The following TEAD1 variants were observed in gnomAD, a reference collection of about 807,000 sequenced individuals.
TEAD1 encodes the protein TEA domain transcription factor 1.
In TEAD1, 9 loss-of-function variants were observed where a neutral mutation model predicts 54.9. That is an observed-to-expected ratio of 0.16 (90% CI 0.10 to 0.29). TEAD1 has a LOEUF of 0.29. Ranked by LOEUF, TEAD1 falls within the 10% of genes least tolerant of loss-of-function variation. TEAD1 has a pLI of 1.00. For missense variants in TEAD1, 387 were observed against 535.9 expected, an observed-to-expected ratio of 0.72 and a Z score of 2.74; for synonymous variants, 200 against 187.8, an observed-to-expected ratio of 1.07 and a Z score of -0.53.
intron 2 of TEAD1, among the ~76,000 whole-genome samples, chr11:12,752,750 A>C (rs1236800750): frequency 6.6e-6 from 1 of 152,158 alleles, no homozygotes. Context: ...CTGAATTTTT[A>C]ATCTTATTAA....
At chr11:12,910,575 T>C (rs1948598202) in intron 10 of TEAD1, among the ~76,000 whole-genome samples, 1 of 152,202 alleles carries the variant, frequency 6.6e-6, no homozygotes, top group Non-Finnish European at 1.5e-5. Flanking sequence ...AATTTTTAAA[T>C]ATACATTTAA....
At chr11:12,836,541 C>G (rs1261744383) in intron 3 of TEAD1, among the ~76,000 whole-genome samples, 2 of 152,056 alleles carry the variant, frequency 1.3e-5, no homozygotes, top group Admixed American at 1.3e-4. Context: ...CGTTATGTTG[C>G]GAGCATGAGA....
chr11:12,724,249 A>G (rs1425833619), intron 2 of TEAD1, among the ~76,000 whole-genome samples: 1 of 152,116 alleles, frequency 6.6e-6, no homozygotes, highest in East Asian at 1.9e-4. Flanking sequence ...ATGCTGCCCC[A>G]CTATGCGCAT....
At chr11:12,692,248 G>A (rs1036962505) in intron 2 of TEAD1, among the ~76,000 whole-genome samples, 9 of 152,160 alleles carry the variant, frequency 5.9e-5, no homozygotes, top group African/African-American at 2.2e-4. Flanking sequence ...CCCCAGCAAA[G>A]CAGGGCTCAT....
At chr11:12,825,689 ATAAAC>A (rs1174777525) in intron 3 of TEAD1, among the ~76,000 whole-genome samples, 1 of 152,098 alleles carries the variant, frequency 6.6e-6, no homozygotes, top group Non-Finnish European at 1.5e-5. Flanking sequence ...ATGACCTAGA[ATAAAC>A]AAAACAATTC....
intron 9 of TEAD1, among the ~76,000 whole-genome samples, chr11:12,886,943 G>T (rs952997450): frequency 2.0e-4 from 30 of 152,140 alleles, no homozygotes; most frequent in African/African-American, 6.8e-4. Context: ...CCAGAGCTCT[G>T]TCACTGCTGT....
intron 1 of TEAD1, among the ~76,000 whole-genome samples, chr11:12,675,109 C>A (rs1041136373): frequency 6.8e-6 from 1 of 147,278 alleles, no homozygotes. Context: ...CCCGGCCGGC[C>A]GCGCCGCGCC....
At chr11:12,745,341 A>C (rs1944725659) in intron 2 of TEAD1, among the ~76,000 whole-genome samples, 1 of 152,166 alleles carries the variant, frequency 6.6e-6, no homozygotes, top group Admixed American at 6.5e-5. Context: ...CTCTTCTGGA[A>C]ACTAGACTTT....
intron 10 of TEAD1, among the ~76,000 whole-genome samples, chr11:12,908,875 A>G (rs1189005194): frequency 4.3e-5 from 4 of 92,922 alleles, no homozygotes; most frequent in Admixed American, 9.5e-5. Context: ...GTATACTTCA[A>G]ATTATCTGTT....
chr11:12,876,263 C>T (rs1373632702), intron 5 of TEAD1, among the ~76,000 whole-genome samples: 5 of 152,058 alleles, frequency 3.3e-5, no homozygotes, highest in East Asian at 1.9e-4. Context: ...GACTGATTTC[C>T]GTTTCAAAAA....
chr11:12,744,719 T>C (rs1282534865), intron 2 of TEAD1, among the ~76,000 whole-genome samples: 5 of 152,204 alleles, frequency 3.3e-5, no homozygotes, highest in African/African-American at 1.2e-4. Flanking sequence ...TTAAAAATTA[T>C]TGTATAATTA....
At chr11:12,819,965 G>A (rs1017841102) in intron 3 of TEAD1, among the ~76,000 whole-genome samples, 7 of 150,134 alleles carry the variant, frequency 4.7e-5, no homozygotes, top group Non-Finnish European at 8.9e-5. Context: ...GGGATTAGAG[G>A]TGGAGAAACA....
At chr11:12,885,210 A>G (rs925298253) in intron 9 of TEAD1, among the ~76,000 whole-genome samples, 1 of 148,960 alleles carries the variant, frequency 6.7e-6, no homozygotes, top group Non-Finnish European at 1.5e-5. Context: ...ATCACCTCCC[A>G]GTTTTGAGGG....
intron 10 of TEAD1, 104 bp from the exon 11 acceptor site, chr11:12,924,808 C>G: frequency 7.2e-7 from 1 of 1,397,922 alleles, no homozygotes. Context: ...CCAAGCCAGC[C>G]CTCTTCATTC....
chr11:12,809,522 G>A (rs1410019145), intron 3 of TEAD1, among the ~76,000 whole-genome samples: 1 of 151,916 alleles, frequency 6.6e-6, no homozygotes, highest in East Asian at 1.9e-4. Flanking sequence ...TGATGTCTCT[G>A]TGTACACACC....
intron 9 of TEAD1, among the ~76,000 whole-genome samples, chr11:12,900,406 GA>G (rs1244524076): frequency 4.6e-5 from 7 of 152,296 alleles, no homozygotes; most frequent in African/African-American, 1.7e-4. Context: ...GAATCTCTAA[GA>G]GAGGTCTTAT....
intron 3 of TEAD1, among the ~76,000 whole-genome samples, chr11:12,771,395 C>T (rs1018774637): frequency 1.3e-5 from 2 of 152,136 alleles, no homozygotes; most frequent in African/African-American, 4.8e-5. Context: ...GGTAGGAGAG[C>T]CTGAGGCCTG....
rs569466499 is a variant in TEAD1 at position 12,830,777 on chromosome 11, C to T, written c.203-31473C>T. Among the ~76,000 whole-genome samples the T allele has an allele frequency of 7.9e-5, 12 of 152,192 alleles. No individual in the cohort carries two copies. In the East Asian group the frequency reaches 1.5e-3, roughly 20 times the overall value. On this transcript the variant is annotated intron_variant, in intron 3 of 12. Coordinates refer to ENST00000527636, the MANE Select transcript of TEAD1 (RefSeq NM_021961.6). ...ACACATGCACGCACACGCACATGCA[C>T]ATGCACATGCACATTCACATTGTAA... is the stretch of plus-strand genomic sequence containing the variant.
intron 2 of TEAD1, among the ~76,000 whole-genome samples, chr11:12,715,569 T>A (rs1364119861): frequency 6.6e-6 from 1 of 152,068 alleles, no homozygotes; most frequent in Non-Finnish European, 1.5e-5. Flanking sequence ...TCTGGGGAGC[T>A]GCACGTGATG....
Sources: allele counts gnomAD v4.1 joint callset (sites outside exome capture counted in the v4.1 genomes callset), GRCh38; gene constraint gnomAD v4.1.1; transcripts MANE v1.5; gene names NCBI Gene and HGNC (gene_info 2026-07-23, HGNC 2026-07-21).